DHRS11: variants seen among roughly 807,000 people sequenced by gnomAD.
The protein encoded by DHRS11 is dehydrogenase/reductase 11, also known as dehydrogenase/reductase SDR family member 11.
A neutral mutation model predicts 30.7 loss-of-function variants in DHRS11; 18 were observed. That is an observed-to-expected ratio of 0.59 (90% confidence interval 0.41 to 0.87). The LOEUF (loss-of-function observed/expected upper bound fraction) is 0.87, where lower values mean the gene tolerates loss of function less well. Ranked by LOEUF, DHRS11 falls within the 40% of genes least tolerant of loss-of-function variation. The pLI is 0.00. For synonymous variants in DHRS11, 123 were observed against 139.6 expected (o/e 0.88, Z 0.84); for missense variants, 300 against 349.0 (o/e 0.86, Z 1.12).
chr17:36,597,843 A>C lies in DHRS11; in HGVS notation c.358-320A>C, dbSNP rs1010613346. ...CCTATGGAATTAGAGGGTCTGTGCT[A>C]CTGTTCATAGAGGAGATGGCCAAGA... On this transcript the variant is annotated intron_variant, in intron 2 of 6. Coordinates refer to ENST00000618403, the MANE Select transcript of DHRS11 (RefSeq NM_024308.4). 14 of 477,102 alleles carry C rather than the reference A, an allele frequency of 2.9e-5. No homozygotes were observed. In the Admixed American group the frequency reaches 4.8e-4, roughly 16 times the overall value. 29.6% of individuals were successfully genotyped at this position (477,102 alleles called of 1,614,324 possible). A position where few individuals can be genotyped will look rare whatever the true frequency, so the allele number is the denominator to read the frequency against.
chr17:36,600,038 G>A lies in DHRS11; in HGVS notation c.741+1G>A, dbSNP rs896098894. ...CCTCAGCACCCCCGCACACATCCAG[G>A]TGAGTCTGGCCCTGACTGTCTACTC... On this transcript the variant is annotated splice_donor_variant, in intron 6 of 6. Transcript: ENST00000618403. LOFTEE classifies it high-confidence loss of function. 2.0e-5 allele frequency: 32 copies of A among 1,613,820 alleles called. No individual in the cohort carries two copies. The highest frequency in any genetic ancestry group is 1.3e-4 in the Admixed American group (8 of 59,966).
At position 36,592,324 on chromosome 17, in the gene DHRS11, C is replaced by T. The variant is rs1224593229; in HGVS notation, c.147+168C>T. Among the ~76,000 whole-genome samples, 1 of 152,346 alleles carries T rather than the reference C, an allele frequency of 6.6e-6. No homozygotes were observed. The highest frequency in any genetic ancestry group is 2.4e-5 in the African/African-American group (1 of 41,586). On this transcript the variant is annotated intron_variant, in intron 1 of 6. Coordinates refer to ENST00000618403, the MANE Select transcript of DHRS11 (RefSeq NM_024308.4). The surrounding 1 kb of genome is among the most constrained non-coding windows in gnomAD (Gnocchi z 4.4). ...GTCTCATCTTTGAAGGAGCCGTTTG[C>T]CCTGACAGCCCCTGCTCGAGTTACC...
intron 2 of DHRS11, among the ~76,000 whole-genome samples, chr17:36,595,431 T>TTGTTTTG (rs2074803148): frequency 2.1e-5 from 3 of 141,178 alleles, no homozygotes; most frequent in African/African-American, 8.1e-5. Context: ...TTTTTTTTTT[T>TTGTTTTG]TTTTTTGAGA....
chr17:36,598,307 G>A lies in DHRS11; in HGVS notation c.452+50G>A, dbSNP rs188310364. On this transcript the variant is annotated intron_variant, in intron 3 of 6. Transcript: ENST00000618403. ...CCACTCACCCACCAGGCTGGGTAAT[G>A]TGCTGCAGCTCACCTGACCTCTTTG... The A allele has an allele frequency of 1.2e-5, 19 of 1,566,706 alleles. No homozygotes were observed. The East Asian group carries it at 3.6e-4, about 30-fold the overall frequency.
chr17:36,599,379 C>G, intron 4 of DHRS11: 1 of 560,334 alleles, frequency 1.8e-6, no homozygotes, highest in Non-Finnish European at 3.1e-6. Context: ...TGATCGTGAG[C>G]GAGTCACTGA....
chr17:36,598,688 G>A lies in DHRS11; in HGVS notation c.453-233G>A, dbSNP rs577503937. The A allele has an allele frequency of 2.3e-5, 13 of 558,050 alleles. No individual in the cohort carries two copies. In the East Asian group the frequency reaches 3.6e-4, roughly 16 times the overall value. 34.6% of individuals were successfully genotyped at this position (558,050 alleles called of 1,614,324 possible). A position where few individuals can be genotyped will look rare whatever the true frequency, so the allele number is the denominator to read the frequency against. On this transcript the variant is annotated intron_variant, in intron 3 of 6. Coordinates refer to ENST00000618403, the MANE Select transcript of DHRS11 (RefSeq NM_024308.4). ...GAATTCTGACATTCTGCACCACCAG[G>A]AGAGTGCATTCTGTCGTCAGCTTAG...
chr17:36,594,414 C>G (rs1000369345), intron 1 of DHRS11, among the ~76,000 whole-genome samples: 1 of 152,106 alleles, frequency 6.6e-6, no homozygotes, highest in African/African-American at 2.4e-5. Context: ...CTGTTCCACC[C>G]AGGACTTGAG....
intron 1 of DHRS11, among the ~76,000 whole-genome samples, chr17:36,594,267 C>A (rs1456158004): frequency 1.3e-5 from 2 of 152,064 alleles, no homozygotes; most frequent in East Asian, 3.9e-4. Context: ...GCTGGGTTAA[C>A]CAGCCCAGTG....
At chr17:36,597,066 C>T (rs1254976949) in intron 2 of DHRS11, 2 of 328,288 alleles carry the variant, frequency 6.1e-6, no homozygotes, top group Admixed American at 7.7e-5. Flanking sequence ...TCTTTCCCTG[C>T]CCCTGATACC....
chr17:36,599,093 G>A, intron 4 of DHRS11, 43 bp downstream of exon 4: 7 of 1,594,336 alleles, frequency 4.4e-6, no homozygotes, highest in Non-Finnish European at 6.0e-6. Flanking sequence ...GGTGGCGCAG[G>A]CCCTCCCCAC....
rs921109050 is a variant in DHRS11, at chr17:36,592,145, G to A, written c.136G>A (p.Gly46Ser). 6 of 1,285,508 alleles carry A rather than the reference G, an allele frequency of 4.7e-6. No homozygotes were observed. Among genetic ancestry groups the A allele is most frequent in the Non-Finnish European group, 4.9e-6 (5 of 1,015,922 alleles). The allele number at this position is 1,285,508 out of a possible 1,614,324, so 79.6% of individuals were successfully genotyped here. A position where few individuals can be genotyped will look rare whatever the true frequency, so the allele number is the denominator to read the frequency against. The change falls in exon 1 of 7, where the codon GGC (glycine) becomes AGC (serine). Residue 46 changes from glycine (G) to serine (S), a missense_variant. By Grantham distance (56) the Gly-to-Ser change is moderately conservative. Coordinates refer to ENST00000618403, the MANE Select transcript of DHRS11 (RefSeq NM_024308.4). The surrounding 1 kb of genome is among the most constrained non-coding windows in gnomAD (Gnocchi z 4.4). ...LKVVGCARTV[G>S]NIEELAAECK... is the part of the protein sequence containing the mutation. Reference sequence around the variant, plus strand: ...GGTGGTGGGCTGCGCCCGCACTGTGGGCAACATCGAGGTGAGGCCGGGCCG... The same window carrying A: ...GGTGGTGGGCTGCGCCCGCACTGTGAGCAACATCGAGGTGAGGCCGGGCCG...
chr17:36,600,066 T>A (rs778933455), intron 6 of DHRS11, 29 bp downstream of exon 6: 12 of 1,613,870 alleles, frequency 7.4e-6, no homozygotes, highest in Non-Finnish European at 9.3e-6. Context: ...GTCTACTCAC[T>A]GGAGGAACCC....
chr17:36,596,845 A>G (rs547759466), intron 2 of DHRS11: 5 of 470,942 alleles, frequency 1.1e-5, no homozygotes, highest in South Asian at 7.7e-5. Flanking sequence ...AGCACCTCAC[A>G]GATGCTTGGG....
chr17:36,596,114 A>G (rs998933860), intron 2 of DHRS11, among the ~76,000 whole-genome samples: 4 of 151,982 alleles, frequency 2.6e-5, no homozygotes, highest in African/African-American at 9.7e-5. Context: ...CAAATCCTGC[A>G]TAGTTGCTCT....
intron 1 of DHRS11, among the ~76,000 whole-genome samples, chr17:36,593,487 C>T (rs895772863): frequency 3.3e-5 from 5 of 152,120 alleles, no homozygotes; most frequent in African/African-American, 1.2e-4. Flanking sequence ...AAGATGTACA[C>T]CAGGGGAGGG....
intron 2 of DHRS11, chr17:36,597,361 C>T (rs770715404): frequency 6.3e-6 from 1 of 159,262 alleles, no homozygotes; most frequent in Non-Finnish European, 1.4e-5. Flanking sequence ...GGCCTGAGGA[C>T]CTGCTGAAAG....
At chr17:36,593,198 C>G (rs1257077977) in intron 1 of DHRS11, among the ~76,000 whole-genome samples, 1 of 152,190 alleles carries the variant, frequency 6.6e-6, no homozygotes, top group Admixed American at 6.5e-5. Context: ...TGCCTTCTCA[C>G]CTACTCCCCT....
rs894928293 is a variant in DHRS11, at chr17:36,595,195, C to T, written c.357+15C>T. ...ACATGTTCAATGTAAGAGCTCCAAG[C>T]CTCCATCTTCCAGGTGGAGGGTGGG... On this transcript the variant is annotated intron_variant, in intron 2 of 6. Coordinates refer to ENST00000618403, the MANE Select transcript of DHRS11 (RefSeq NM_024308.4). 3 of 1,612,374 alleles carry T rather than the reference C, an allele frequency of 1.9e-6. No homozygotes were observed. The African/African-American group carries it at 4.0e-5, about 22-fold the overall frequency.
chr17:36,598,710 T>G (rs2074831184), intron 3 of DHRS11: 3 of 587,106 alleles, frequency 5.1e-6, no homozygotes, highest in Non-Finnish European at 8.8e-6. Flanking sequence ...TGTCGTCAGC[T>G]TAGGGATGAG....
Sources: allele counts gnomAD v4.1 joint callset (sites outside exome capture counted in the v4.1 genomes callset), GRCh38; gene constraint gnomAD v4.1.1; non-coding constraint Gnocchi (gnomAD v3.1); transcripts MANE v1.5; gene names NCBI Gene and HGNC (gene_info 2026-07-23, HGNC 2026-07-21).